MDM4: variants seen among roughly 807,000 people sequenced by gnomAD.
MDM4 encodes the protein protein Mdm4.
In MDM4, 2 loss-of-function variants were observed where a neutral mutation model predicts 60.2. The ratio of observed to expected loss-of-function variants is 0.03; its 90% confidence interval spans 0.01 to 0.10. The LOEUF is 0.10. Ranked by LOEUF, MDM4 falls within the 10% of genes least tolerant of loss-of-function variation. The pLI, the probability that MDM4 is intolerant of heterozygous loss-of-function variation, is 1.00. For synonymous variants in MDM4, 202 were observed against 198.1 expected (o/e 1.02, Z -0.17); for missense variants, 447 against 577.5 (o/e 0.77, Z 2.32).
At chr1:204,548,770 A>G (rs1161783712) in intron 10 of MDM4, among the ~76,000 whole-genome samples, 1 of 152,240 alleles carries the variant, frequency 6.6e-6, no homozygotes. Flanking sequence ...CTTGCCCGAT[A>G]AAGGAGTAAG....
At chr1:204,532,877 G>T in intron 5 of MDM4, 1 of 1,573,670 alleles carries the variant, frequency 6.4e-7, no homozygotes, top group Non-Finnish European at 8.6e-7. Context: ...TGGTAAACTG[G>T]TAGTGCTTGA....
At chr1:204,529,784 A>G (rs900825625) in intron 3 of MDM4, 1 of 342,234 alleles carries the variant, frequency 2.9e-6, no homozygotes. Context: ...CATCTCCTTC[A>G]TTTAGCATGG....
In MDM4 at chr1:204,544,594, A is replaced by G. The variant is rs1258701534; in HGVS notation, c.732A>G (p.Ser244=). The G allele has an allele frequency of 6.2e-7, 1 of 1,613,888 alleles. No individual in the cohort carries two copies. The highest frequency in any genetic ancestry group is 1.7e-5 in the Admixed American group (1 of 60,018). Residue 244 remains serine (S), a synonymous_variant, in exon 9 of 11, where the codon TCA becomes TCG. Coordinates refer to ENST00000367182, the MANE Select transcript of MDM4 (RefSeq NM_002393.5). ...TTDDLWFLNE[S]VSEQLGVGIK... ...ATGACTTGTGGTTTTTGAATGAGTC[A>G]GTATCAGAGCAGTTAGGTGTTGGAA... is the stretch of plus-strand genomic sequence containing the variant.
intron 1 of MDM4, among the ~76,000 whole-genome samples, chr1:204,523,912 C>G (rs965081377): frequency 1.3e-5 from 2 of 151,984 alleles, no homozygotes; most frequent in Non-Finnish European, 2.9e-5. Context: ...AGGGTTGGAC[C>G]GCACAGTCTA....
chr1:204,544,704 C>A lies in MDM4; in HGVS notation c.822+20C>A. The A allele has an allele frequency of 6.3e-7, 1 of 1,599,566 alleles. No homozygotes were observed. The highest frequency in any genetic ancestry group is 1.1e-5 in the South Asian group (1 of 90,112). ...AAAAAGGTATGTTGTGGAAAAATTC[C>A]ATGTTGATTCTGTTTGTGTGCTCAT... On this transcript the variant is annotated intron_variant, in intron 9 of 10. Coordinates refer to ENST00000367182, the MANE Select transcript of MDM4 (RefSeq NM_002393.5).
chr1:204,523,373 A>G (rs1380493351), intron 1 of MDM4, among the ~76,000 whole-genome samples: 1 of 148,784 alleles, frequency 6.7e-6, no homozygotes, highest in Non-Finnish European at 1.5e-5. Context: ...AGGCTGAGGC[A>G]GGAGAATGGT....
intron 5 of MDM4, among the ~76,000 whole-genome samples, chr1:204,534,027 T>C (rs1371174933): frequency 6.6e-6 from 1 of 152,094 alleles, no homozygotes; most frequent in Non-Finnish European, 1.5e-5. Context: ...CTCAAGTGAT[T>C]CTTCCACTTC....
chr1:204,536,187 G>A (rs1041223282), intron 5 of MDM4, among the ~76,000 whole-genome samples: 4 of 152,204 alleles, frequency 2.6e-5, no homozygotes, highest in Non-Finnish European at 4.4e-5. Context: ...GGGAGGTAGA[G>A]GTTTTAGTGA....
rs556283239 is a variant in MDM4 at position 204,551,753 on chromosome 1, T to C, written c.*2071T>C. 1.7e-5 allele frequency: 4 copies of C among 228,596 alleles called. No individual in the cohort carries two copies. The Admixed American group carries it at 2.3e-4, about 13-fold the overall frequency. The allele number at this position is 228,596 out of a possible 1,614,324, so 14.2% of individuals were successfully genotyped here. A position where few individuals can be genotyped will look rare whatever the true frequency, so the allele number is the denominator to read the frequency against. ...CATAAAAATCATGAGGGTTGCTTGTTAAAAATGTCCAAACGTGCAGAGACT... is the reference window on the plus strand; with the variant it reads ...CATAAAAATCATGAGGGTTGCTTGTCAAAAATGTCCAAACGTGCAGAGACT... On this transcript the variant is annotated 3_prime_UTR_variant, in exon 11 of 11. Coordinates refer to ENST00000367182, the MANE Select transcript of MDM4 (RefSeq NM_002393.5).
chr1:204,534,545 T>C (rs1661192722), intron 5 of MDM4, among the ~76,000 whole-genome samples: 1 of 152,196 alleles, frequency 6.6e-6, no homozygotes, highest in South Asian at 2.1e-4. Context: ...TAGAGTGCAG[T>C]GGCAAGATCT....
chr1:204,528,214 G>A (rs1278709830), intron 3 of MDM4, among the ~76,000 whole-genome samples: 2 of 152,116 alleles, frequency 1.3e-5, no homozygotes, highest in Non-Finnish European at 2.9e-5. Context: ...GATGGAAGCC[G>A]AGCAGAGCGT....
chr1:204,519,713 C>T lies in MDM4; in HGVS notation c.-36+3204C>T, dbSNP rs571674085. ...CCTGTAGTCCCAGCTACTCCAGAGGCTAAGGTGGGAGGCTTGCTTGAGCTG... is the reference window on the plus strand; with the variant it reads ...CCTGTAGTCCCAGCTACTCCAGAGGTTAAGGTGGGAGGCTTGCTTGAGCTG... On this transcript the variant is annotated intron_variant, in intron 1 of 10. Coordinates refer to ENST00000367182, the MANE Select transcript of MDM4 (RefSeq NM_002393.5). Among the ~76,000 whole-genome samples, 5 of 152,098 alleles carry T rather than the reference C, an allele frequency of 3.3e-5. No homozygotes were observed. In the East Asian group the frequency reaches 7.7e-4, roughly 24 times the overall value.
chr1:204,542,124 A>G (rs989942711), intron 7 of MDM4, among the ~76,000 whole-genome samples: 2 of 152,224 alleles, frequency 1.3e-5, no homozygotes, highest in Non-Finnish European at 2.9e-5. Flanking sequence ...GTATGTCTAG[A>G]TACTTAACTC....
chr1:204,544,798 C>CT, intron 9 of MDM4, 114 bp downstream of exon 9: 2 of 978,352 alleles, frequency 2.0e-6, no homozygotes, highest in Non-Finnish European at 2.9e-6. Flanking sequence ...CCCTTTTTAA[C>CT]TTTAATTAAT....
Position 204,534,732 on chromosome 1 carries a change from TC to T in MDM4, c.343+2491del. 2.0e-5 allele frequency among the ~76,000 whole-genome samples: 3 copies of T among 152,264 alleles called. No individual in the cohort carries two copies. In the Middle Eastern group the frequency reaches 0.01, roughly 518 times the overall value. ...GTCTTGAACTCCAGGACTCAAGCGA[TC>T]CCCCTTCTTCGGCCTCCCAAAGTGT... is the stretch of plus-strand genomic sequence containing the variant. On this transcript the variant is annotated intron_variant, in intron 5 of 10. Transcript: ENST00000367182.
At chr1:204,522,859 T>G (rs1659701304) in intron 1 of MDM4, among the ~76,000 whole-genome samples, 2 of 124,630 alleles carry the variant, frequency 1.6e-5, no homozygotes, top group South Asian at 2.7e-4. Context: ...TATTTACTGA[T>G]TGTCTTTTTT....
chr1:204,518,056 T>A (rs1451020381), intron 1 of MDM4, among the ~76,000 whole-genome samples: 1 of 152,092 alleles, frequency 6.6e-6, no homozygotes, highest in East Asian at 1.9e-4. Context: ...CCCAAGAGAC[T>A]GAGGTGGGAG....
chr1:204,532,094 A>G (rs1013274852), intron 4 of MDM4, 97 bp from the exon 5 acceptor site: 112 of 723,904 alleles, frequency 1.5e-4, no homozygotes, highest in South Asian at 1.3e-3. Context: ...GACTTGGGAG[A>G]TAACATCAGA....
rs1662969877 is a variant in MDM4, at chr1:204,549,233, T to G, written c.1024T>G (p.Ser342Ala). The G allele has an allele frequency of 6.2e-7, 1 of 1,613,996 alleles. No individual in the cohort carries two copies. Among genetic ancestry groups the G allele is most frequent in the Admixed American group, 1.7e-5 (1 of 60,006 alleles). ...TTGTTCAAAGTTAACCCATTCTCTC[T>G]CCACGTCTGATATCACTGCCATACC... Reference protein sequence around the residue: ...SDCSKLTHSLSTSDITAIPEK... With the variant: ...SDCSKLTHSLATSDITAIPEK... The change falls in exon 11 of 11, where the codon TCC (serine) becomes GCC (alanine). Residue 342 changes from serine to alanine, a missense_variant. Physicochemically the swap from Ser to Ala is moderately conservative, Grantham distance 99. Around this residue, in one of 8 missense-constraint regions of MDM4, gnomAD observed 117 missense variants for 114.5 expected, o/e 1.02. Coordinates refer to ENST00000367182, the MANE Select transcript of MDM4 (RefSeq NM_002393.5).
Sources: gnomAD v4.1 joint callset for allele counts (sites outside exome capture counted in the v4.1 genomes callset) on GRCh38, gnomAD v4.1.1 for gene constraint, gnomAD v4.1.1 regional missense constraint, MANE v1.5 for transcripts, NCBI Gene and HGNC (gene_info 2026-07-23, HGNC 2026-07-21) for gene names.